Variants in RNF150 observed in about 807,000 individuals in gnomAD.
RNF150 encodes ring finger protein 150.
Under a neutral mutation model 39.3 loss-of-function variants are expected in RNF150, and 24 were observed. The observed-to-expected ratio is 0.61, with a 90% CI of 0.44 to 0.86. The LOEUF (loss-of-function observed/expected upper bound fraction) is 0.86. RNF150 is among the 40% of genes least tolerant of loss of function. RNF150 has a pLI of 0.00. For missense variants in RNF150, 502 were observed against 587.8 expected, an observed-to-expected ratio of 0.85 and a Z score of 1.51; for synonymous variants, 255 against 227.3, an observed-to-expected ratio of 1.12 and a Z score of -1.10.
chr4:141,018,488 A>G (rs1225792942), intron 1 of RNF150, among the ~76,000 whole-genome samples: 2 of 152,158 alleles, frequency 1.3e-5, no homozygotes, highest in Non-Finnish European at 2.9e-5. Flanking sequence ...ACTTGAAGCC[A>G]TTCAGCATGG....
intron 4 of RNF150, among the ~76,000 whole-genome samples, chr4:140,927,087 G>T (rs189027872): frequency 1.3e-5 from 2 of 152,274 alleles, no homozygotes; most frequent in African/African-American, 4.8e-5. Context: ...TTGTGTTAGA[G>T]GGTGCTGGGC....
intron 6 of RNF150, among the ~76,000 whole-genome samples, chr4:140,876,102 G>T (rs1203818666): frequency 6.6e-6 from 1 of 152,132 alleles, no homozygotes; most frequent in Non-Finnish European, 1.5e-5. Context: ...TTACACAAAA[G>T]CTTATTTTTC....
chr4:141,090,916 C>T (rs1294131145), intron 1 of RNF150, among the ~76,000 whole-genome samples: 1 of 152,128 alleles, frequency 6.6e-6, no homozygotes, highest in African/African-American at 2.4e-5. Flanking sequence ...GCTACAGATA[C>T]TATAAGAAGC....
intron 5 of RNF150, among the ~76,000 whole-genome samples, chr4:140,920,889 G>A (rs942237370): frequency 6.6e-6 from 1 of 151,656 alleles, no homozygotes; most frequent in Non-Finnish European, 1.5e-5. Context: ...CCTTTATAGG[G>A]ACATGGATGA....
At chr4:141,100,515 A>G (rs1738969024) in intron 1 of RNF150, among the ~76,000 whole-genome samples, 2 of 152,234 alleles carry the variant, frequency 1.3e-5, no homozygotes, top group South Asian at 2.1e-4. Flanking sequence ...CATTCTGTAG[A>G]TTGATCTAAT....
At chr4:140,875,721 G>GT (rs142895042) in intron 6 of RNF150, among the ~76,000 whole-genome samples, 4,141 of 150,272 alleles carry the variant, frequency 0.028, 121 homozygotes, top group African/African-American at 0.078. Flanking sequence ...TTTTGTTTGT[G>GT]TTTTTTTTTA....
chr4:141,195,749 A>G (rs3098029), intron 1 of RNF150, among the ~76,000 whole-genome samples: 5,034 of 152,308 alleles, frequency 0.033, 270 homozygotes, highest in African/African-American at 0.11. Flanking sequence ...TTCTATTTTT[A>G]TGTGACAAGG....
intron 1 of RNF150, among the ~76,000 whole-genome samples, chr4:141,106,450 G>T (rs1241734258): frequency 2.6e-5 from 4 of 152,162 alleles, no homozygotes; most frequent in Admixed American, 2.0e-4. Flanking sequence ...GCCAAGGTAG[G>T]AGTCAAACTC....
chr4:141,075,915 C>G lies in RNF150; in HGVS notation c.484+56410G>C, dbSNP rs910430104. On this transcript the variant is annotated intron_variant, in intron 1 of 6. Coordinates refer to ENST00000515673, the MANE Select transcript of RNF150 (RefSeq NM_020724.2). ...TCACCATTAAAGAACTTGATATAAC[C>G]AAAAACCACCTGTTCTCCCAAAACT... 5.6e-4 allele frequency among the ~76,000 whole-genome samples: 85 copies of G among 151,820 alleles called. 1 individual carries two copies. Among genetic ancestry groups the G allele is most frequent in the Admixed American group, 2.0e-4 (3 of 15,224 alleles).
At chr4:141,155,910 C>T (rs866590292) in intron 1 of RNF150, among the ~76,000 whole-genome samples, 12 of 128,386 alleles carry the variant, frequency 9.3e-5, no homozygotes, top group Middle Eastern at 3.8e-3. Context: ...TTCTGTTTAA[C>T]TCTTAGGAAA....
At chr4:140,915,699 T>C (rs55693074) in intron 5 of RNF150, among the ~76,000 whole-genome samples, 11,734 of 152,250 alleles carry the variant, frequency 0.077, 519 homozygotes, top group Middle Eastern at 0.12. Flanking sequence ...AAGAGAGTAG[T>C]GGTTCTCCCA....
Position 141,159,286 on chromosome 4 carries a change from T to C in RNF150, c.-6+53508A>G, listed in dbSNP as rs113842533. 2.7e-3 allele frequency among the ~76,000 whole-genome samples: 406 copies of C among 152,306 alleles called. 1 individual carries two copies. The highest frequency in any genetic ancestry group is 9.2e-3 in the African/African-American group (381 of 41,562). ...GAAAGTGGCTTTGGACAACATGTAA[T>C]CAGTGAATGTGGCTGTGTTCCAACA... On this transcript the variant is annotated intron_variant, in intron 1 of 7. Coordinates refer to the RNF150 transcript ENST00000420921.
At position 140,860,752 on chromosome 4, in the gene RNF150, T is replaced by G. The variant is rs1043110880; in HGVS notation, c.*7509A>C. 6.6e-6 allele frequency: 1 copy of G among 152,232 alleles called. No homozygotes were observed. The highest frequency in any genetic ancestry group is 1.5e-5 in the Non-Finnish European group (1 of 68,042). The allele number at this position is 152,232 out of a possible 1,614,324, so 9.4% of individuals were successfully genotyped here. A position where few individuals can be genotyped will look rare whatever the true frequency, so the allele number is the denominator to read the frequency against. ...TAAATTCATTATTTGCAGATTTTTT[T>G]CTAGTGGGAAATAATATGCTGTACA... On this transcript the variant is annotated 3_prime_UTR_variant, in exon 7 of 7. Transcript: ENST00000515673.
intron 1 of RNF150, among the ~76,000 whole-genome samples, chr4:140,988,211 A>G (rs888510425): frequency 2.2e-4 from 33 of 152,184 alleles, no homozygotes; most frequent in Non-Finnish European, 4.7e-4. Flanking sequence ...TCAAAGAACT[A>G]AAAACAGAAC....
rs138719980 is a variant in RNF150, at chr4:140,869,164, C to T, written c.1199-785G>A. 1.5e-3 allele frequency among the ~76,000 whole-genome samples: 225 copies of T among 152,298 alleles called. 1 individual carries two copies. Among genetic ancestry groups the T allele is most frequent in the African/African-American group, 5.0e-3 (209 of 41,566 alleles). On this transcript the variant is annotated intron_variant, in intron 6 of 6. Coordinates refer to ENST00000515673, the MANE Select transcript of RNF150 (RefSeq NM_020724.2). ...TAACTTAAAGTCCAACAATAGAGAA[C>T]ATCTGAATAAACCTATTACTTCTAA...
intron 6 of RNF150, among the ~76,000 whole-genome samples, chr4:140,870,402 A>C (rs1728882273): frequency 6.6e-6 from 1 of 152,154 alleles, no homozygotes. Context: ...ACTTCACTAC[A>C]AAATACATTC....
At chr4:140,974,941 C>T (rs529629446) in intron 1 of RNF150, among the ~76,000 whole-genome samples, 1 of 152,204 alleles carries the variant, frequency 6.6e-6, no homozygotes, top group Admixed American at 6.5e-5. Context: ...CTTTGATCTG[C>T]AACCAAATGT....
intron 1 of RNF150, among the ~76,000 whole-genome samples, chr4:140,997,355 G>A (rs1235277468): frequency 6.6e-6 from 1 of 152,138 alleles, no homozygotes; most frequent in Non-Finnish European, 1.5e-5. Context: ...AGGTGCGGTG[G>A]CTCATGCCTG....
chr4:140,971,915 C>T (rs755318847), intron 1 of RNF150, among the ~76,000 whole-genome samples: 24 of 152,090 alleles, frequency 1.6e-4, no homozygotes, highest in Non-Finnish European at 3.4e-4. Context: ...GTGACAGCAT[C>T]TCTCCCTGGG....
Sources: allele counts gnomAD v4.1 joint callset (sites outside exome capture counted in the v4.1 genomes callset), GRCh38; gene constraint gnomAD v4.1.1; transcripts MANE v1.5; gene names NCBI Gene and HGNC (gene_info 2026-07-23, HGNC 2026-07-21).